NCAPD2: variants seen among roughly 807,000 people sequenced by gnomAD.
The protein encoded by NCAPD2 is non-SMC condensin I complex subunit D2.
NCAPD2 carries 100 observed loss-of-function variants against 164.5 expected under a neutral mutation model. The ratio of observed to expected loss-of-function variants is 0.61; its 90% confidence interval spans 0.52 to 0.72. The LOEUF (loss-of-function observed/expected upper bound fraction) is 0.72, where lower values mean the gene tolerates loss of function less well. NCAPD2 is among the 30% of genes least tolerant of loss of function. The pLI, the probability that NCAPD2 is intolerant of heterozygous loss-of-function variation, is 0.00. For synonymous variants in NCAPD2, 585 were observed against 642.6 expected (o/e 0.91, Z 1.36); for missense variants, 1,560 against 1,749.2 (o/e 0.89, Z 1.93).
At chr12:6,507,926 C>A (rs1006533445) in intron 2 of NCAPD2, among the ~76,000 whole-genome samples, 1 of 152,044 alleles carries the variant, frequency 6.6e-6, no homozygotes, top group East Asian at 1.9e-4. Flanking sequence ...TGAAGAGAAA[C>A]CTCATCATAT....
intron 2 of NCAPD2, among the ~76,000 whole-genome samples, chr12:6,504,196 T>TCCAC (rs1946070675): frequency 1.1e-5 from 1 of 92,868 alleles, no homozygotes; most frequent in Non-Finnish European, 2.2e-5. Flanking sequence ...TATATATATA[T>TCCAC]ATATATATAT....
At chr12:6,509,105 T>G (rs1265017246) in intron 2 of NCAPD2, among the ~76,000 whole-genome samples, 1 of 151,890 alleles carries the variant, frequency 6.6e-6, no homozygotes, top group Non-Finnish European at 1.5e-5. Flanking sequence ...ATCCTGAGTT[T>G]GTGTTCCCTC....
intron 10 of NCAPD2, 111 bp downstream of exon 10, chr12:6,517,136 T>G (rs1227810011): frequency 2.2e-6 from 3 of 1,357,536 alleles, no homozygotes; most frequent in Non-Finnish European, 3.1e-6. Context: ...AGAATTCACA[T>G]TTTTATTATC....
chr12:6,507,652 A>G lies in NCAPD2; in HGVS notation c.128-2065A>G, dbSNP rs149389311. 9.6e-4 allele frequency among the ~76,000 whole-genome samples: 146 copies of G among 152,336 alleles called. 1 individual carries two copies. Among genetic ancestry groups the G allele is most frequent in the African/African-American group, 3.3e-3 (138 of 41,576 alleles). ...GGGAAAAGGTGAAGGGGTGTCTGCA[A>G]TGATCTAGAGAGCTAGTCTTCTTTC... On this transcript the variant is annotated intron_variant, in intron 2 of 31. Coordinates refer to ENST00000315579, the MANE Select transcript of NCAPD2 (RefSeq NM_014865.4).
At chr12:6,515,949 T>C (rs1592171720) in intron 9 of NCAPD2, among the ~76,000 whole-genome samples, 3 of 152,054 alleles carry the variant, frequency 2.0e-5, no homozygotes, top group African/African-American at 7.2e-5. Flanking sequence ...CCCAGCACTT[T>C]GGGAGGCTGA....
intron 15 of NCAPD2, among the ~76,000 whole-genome samples, chr12:6,522,527 G>T (rs753329624): frequency 9.3e-5 from 14 of 151,222 alleles, no homozygotes; most frequent in Non-Finnish European, 1.9e-4. Flanking sequence ...TGAGGCTACA[G>T]TGAGCTGTGG....
At position 6,525,643 on chromosome 12, in the gene NCAPD2, C is replaced by T. The variant is rs749966496; in HGVS notation, c.2275C>T (p.Arg759Trp). ...AGCAGTGACCCAGCTGCTGTGGGAG[C>T]GGGCCACCGAGAAGGTCGCCTGCTG... The part of the protein sequence containing the change: ...KPAVTQLLWE[R>W]ATEKVACCPL... The change falls in exon 18 of 32, where the codon CGG becomes TGG. Residue 759 changes from arginine to tryptophan, a missense_variant. Transcript: ENST00000315579. 14 of 1,610,572 alleles carry T rather than the reference C, an allele frequency of 8.7e-6. No individual in the cohort carries two copies. The highest frequency in any genetic ancestry group is 6.7e-5 in the Admixed American group (4 of 59,794).
chr12:6,528,426 G>A lies in NCAPD2; in HGVS notation c.3299+98G>A. 3 of 1,511,320 alleles carry A rather than the reference G, an allele frequency of 2.0e-6. No individual in the cohort carries two copies. The highest frequency in any genetic ancestry group is 2.7e-6 in the Non-Finnish European group (3 of 1,097,898). 93.6% of individuals were successfully genotyped at this position (1,511,320 alleles called of 1,614,324 possible). A position where few individuals can be genotyped will look rare whatever the true frequency, so the allele number is the denominator to read the frequency against. On this transcript the variant is annotated intron_variant, in intron 25 of 31. Transcript: ENST00000315579. This position sits in a 1 kb window ranked among gnomAD's most constrained non-coding sequence, Gnocchi z 5.1. ...ACCAGGGCTCTTCCCCTAGGCTTTG[G>A]CATCACCGCGAACATCTGCTTGATA...
In NCAPD2 at chr12:6,510,724, A is replaced by G. The variant is rs747602621; in HGVS notation, c.358A>G (p.Asn120Asp). 6.2e-7 allele frequency: 1 copy of G among 1,614,186 alleles called. No individual in the cohort carries two copies. Among genetic ancestry groups the G allele is most frequent in the South Asian group, 1.1e-5 (1 of 91,076 alleles). The change falls in exon 5 of 32, where the codon AAC (asparagine) becomes GAC (aspartate). Residue 120 changes from asparagine to aspartate, a missense_variant. Coordinates refer to ENST00000315579, the MANE Select transcript of NCAPD2 (RefSeq NM_014865.4). ...RNAHLNALKM[N>D]CYALIRLLES... ...CGCCCATCTAAATGCCCTCAAAATG[A>G]ACTGTTATGCTCTGATACGTCTCCT...
rs371914036 is a variant in NCAPD2, at chr12:6,528,342, C to T, written c.3299+14C>T. On this transcript the variant is annotated intron_variant, in intron 25 of 31. Coordinates refer to ENST00000315579, the MANE Select transcript of NCAPD2 (RefSeq NM_014865.4). This position sits in a 1 kb window ranked among gnomAD's most constrained non-coding sequence, Gnocchi z 5.1. ...TCTGTATGCTCGGTAAGAGACCCCT[C>T]ACAACGTGGTGGCAGTTCCCAGGAG... 4 of 1,613,284 alleles carry T rather than the reference C, an allele frequency of 2.5e-6. No individual in the cohort carries two copies. Among genetic ancestry groups the T allele is most frequent in the South Asian group, 1.1e-5 (1 of 91,058 alleles).
chr12:6,521,107 A>C lies in NCAPD2; in HGVS notation c.1711A>C (p.Lys571Gln), dbSNP rs1002412613. ...CTTGAATATCTTAGGACTTATCTTC[A>C]AAGGTAATCATTTTCCTTCTTCAGT... is the stretch of plus-strand genomic sequence containing the variant. Reference protein sequence around the residue: ...RLLNILGLIFKGPAASTQEKN... With the variant: ...RLLNILGLIFQGPAASTQEKN... Residue 571 changes from lysine (K) to glutamine (Q), a missense_variant, in exon 14 of 32, where the codon AAA (lysine) becomes CAA (glutamine). Transcript: ENST00000315579. 1.2e-6 allele frequency: 2 copies of C among 1,613,592 alleles called. No homozygotes were observed. The highest frequency in any genetic ancestry group is 4.5e-5 in the East Asian group (2 of 44,884).
chr12:6,518,283 C>A (rs1946222744), intron 13 of NCAPD2: 1 of 184,124 alleles, frequency 5.4e-6, no homozygotes, highest in African/African-American at 2.4e-5. Context: ...GCTTAACTTT[C>A]TGTGCCTCGG....
chr12:6,523,742 C>T (rs1407961940), intron 17 of NCAPD2, among the ~76,000 whole-genome samples: 1 of 152,214 alleles, frequency 6.6e-6, no homozygotes, highest in Non-Finnish European at 1.5e-5. Context: ...ATTTACTTAG[C>T]TCCAGAAAGA....
Position 6,517,869 on chromosome 12 carries a change from A to T in NCAPD2, c.1499A>T (p.Glu500Val). 1 of 1,613,638 alleles carries T rather than the reference A, an allele frequency of 6.2e-7. No homozygotes were observed. The highest frequency in any genetic ancestry group is 1.1e-5 in the South Asian group (1 of 91,074). ...LQQLLQLPQG[E>V]EEIPEQIANT... ...CAGCTTCTACAGCTTCCCCAGGGAG[A>T]GGAGGAGATTCCTGAGCAAATTGCC... Residue 500 changes from glutamate to valine, a missense_variant, in exon 13 of 32, where the codon GAG (glutamate) becomes GTG (valine). By Grantham distance (121) the Glu-to-Val change is moderately radical (BLOSUM62 -2). Coordinates refer to ENST00000315579, the MANE Select transcript of NCAPD2 (RefSeq NM_014865.4).
intron 2 of NCAPD2, among the ~76,000 whole-genome samples, chr12:6,496,982 ATG>A (rs1407180044): frequency 6.6e-6 from 1 of 152,220 alleles, no homozygotes; most frequent in African/African-American, 2.4e-5. Context: ...ACTGTCGCAT[ATG>A]TGGTCTATTG....
chr12:6,517,013 T>C lies in NCAPD2; in HGVS notation c.1173T>C (p.Ile391=). The stretch of plus-strand genomic sequence containing the variant: ...GTGTTTTGCAGCTCTTCACCCGAAT[T>C]GTCCAGCAGAAGGTAACCAACTTCT... The part of the protein sequence containing the change: ...RSRVLQLFTR[I]VQQKALPLTR... Residue 391 remains isoleucine (I), a synonymous_variant, in exon 10 of 32, where the codon ATT becomes ATC. Coordinates refer to ENST00000315579, the MANE Select transcript of NCAPD2 (RefSeq NM_014865.4). The C allele has an allele frequency of 6.2e-7, 1 of 1,614,162 alleles. No homozygotes were observed. Among genetic ancestry groups the C allele is most frequent in the Non-Finnish European group, 8.5e-7 (1 of 1,180,012 alleles).
Position 6,528,704 on chromosome 12 carries a change from C to G in NCAPD2, c.3325C>G (p.Arg1109Gly), listed in dbSNP as rs758855845. The change falls in exon 26 of 32, where the codon CGG becomes GGG. Residue 1109 changes from arginine (R) to glycine (G), a missense_variant. Arg to Gly is a moderately radical substitution (Grantham distance 125). Coordinates refer to ENST00000315579, the MANE Select transcript of NCAPD2 (RefSeq NM_014865.4). This position sits in a 1 kb window ranked among gnomAD's most constrained non-coding sequence, Gnocchi z 5.1. ...ARLRDPAQQV[R>G]KTAGLVMTHL... ...TCTCCGGGACCCTGCTCAGCAAGTG[C>G]GGAAAACAGCGGGGCTGGTGATGAC... is the stretch of plus-strand genomic sequence containing the variant. 2 of 1,613,186 alleles carry G rather than the reference C, an allele frequency of 1.2e-6. No homozygotes were observed. Among genetic ancestry groups the G allele is most frequent in the African/African-American group, 1.3e-5 (1 of 74,860 alleles).
At chr12:6,506,148 G>T (rs1592167179) in intron 2 of NCAPD2, among the ~76,000 whole-genome samples, 1 of 151,978 alleles carries the variant, frequency 6.6e-6, no homozygotes, top group East Asian at 1.9e-4. Context: ...TGTGGAGATG[G>T]GGTCTTGCCA....
chr12:6,527,114 G>C, intron 22 of NCAPD2, 51 bp downstream of exon 22: 6 of 1,525,122 alleles, frequency 3.9e-6, no homozygotes, highest in Non-Finnish European at 5.3e-6. Context: ...CCTCAGCTCA[G>C]AACTGAGCTG....
Sources: gnomAD v4.1 joint callset for allele counts (sites outside exome capture counted in the v4.1 genomes callset) on GRCh38, gnomAD v4.1.1 for gene constraint, Gnocchi (gnomAD v3.1) non-coding constraint, MANE v1.5 for transcripts, NCBI Gene and HGNC (gene_info 2026-07-23, HGNC 2026-07-21) for gene names.